The following ZC2HC1B variants were observed in gnomAD, a reference collection of about 807,000 sequenced individuals.
ZC2HC1B encodes the protein zinc finger C2HC domain-containing protein 1B.
In ZC2HC1B, 36 loss-of-function variants were observed where a neutral mutation model predicts 31.0. That is an observed-to-expected ratio of 1.16 (90% CI 0.89 to 1.54). ZC2HC1B has a LOEUF of 1.54. ZC2HC1B is among the 40% of genes most tolerant of loss of function. The pLI is 0.00. For missense variants in ZC2HC1B, 260 were observed against 268.6 expected (o/e 0.97, Z 0.22); for synonymous variants, 73 against 88.0 (o/e 0.83, Z 0.95).
At chr6:143,875,846 G>T (rs1777401656) in intron 1 of ZC2HC1B, among the ~76,000 whole-genome samples, 2 of 150,638 alleles carry the variant, frequency 1.3e-5, no homozygotes, top group Admixed American at 6.6e-5. Context: ...CTCAGACAAA[G>T]GTGGAAAGGC....
Position 143,884,177 on chromosome 6 carries a change from A to C in ZC2HC1B, c.29-127A>C. The C allele has an allele frequency of 1.3e-6, 1 of 759,360 alleles. No homozygotes were observed. Among genetic ancestry groups the C allele is most frequent in the Non-Finnish European group, 2.0e-6 (1 of 492,912 alleles). 47.0% of individuals were successfully genotyped at this position (759,360 alleles called of 1,614,324 possible). ...TACACAGGGTCTTCCCAAAGGGAAG[A>C]AGCAGTTGGTGGGGAGGGAAAAGAG... On this transcript the variant is annotated intron_variant, in intron 1 of 7. Transcript: ENST00000237275. This position sits in a 1 kb window ranked among gnomAD's most constrained non-coding sequence, Gnocchi z 5.1.
Position 143,871,604 on chromosome 6 carries a change from C to G in ZC2HC1B, c.28+7037C>G, listed in dbSNP as rs1777337618. Among the ~76,000 whole-genome samples, 1 of 152,226 alleles carries G rather than the reference C, an allele frequency of 6.6e-6. No individual in the cohort carries two copies. The highest frequency in any genetic ancestry group is 2.4e-5 in the African/African-American group (1 of 41,470). ...CTTCCAGATCCATCTGTCTTCTGCA[C>G]AGGCCAAATGGGAGAGTTGAACAGG... On this transcript the variant is annotated intron_variant, in intron 1 of 7. Transcript: ENST00000237275. The surrounding 1 kb of genome is among the most constrained non-coding windows in gnomAD (Gnocchi z 4.1).
intron 1 of ZC2HC1B, among the ~76,000 whole-genome samples, chr6:143,874,082 T>C (rs2128493286): frequency 6.6e-6 from 1 of 152,354 alleles, no homozygotes; most frequent in Middle Eastern, 3.4e-3. Context: ...GATGCTTTCC[T>C]GCTTAGAAAT....
At position 143,905,788 on chromosome 6, in the gene ZC2HC1B, G is replaced by GT. The variant is rs927865981; in HGVS notation, c.598+2644dup. ...AAAGGGTGTTGAATTTTCTCAAATGGTTTTTTTTGCATCAATTGAGATGAT... is the reference window on the plus strand; with the variant it reads ...AAAGGGTGTTGAATTTTCTCAAATGGTTTTTTTTTGCATCAATTGAGATGAT... On this transcript the variant is annotated intron_variant, in intron 6 of 7. Coordinates refer to ENST00000237275, the MANE Select transcript of ZC2HC1B (RefSeq NM_001013623.3). The surrounding 1 kb of genome is among the most constrained non-coding windows in gnomAD (Gnocchi z 4.2). 5.9e-5 allele frequency among the ~76,000 whole-genome samples: 9 copies of GT among 151,394 alleles called. No individual in the cohort carries two copies. Among genetic ancestry groups the GT allele is most frequent in the East Asian group, 1.9e-4 (1 of 5,172 alleles).
intron 4 of ZC2HC1B, among the ~76,000 whole-genome samples, chr6:143,892,753 A>C (rs1321214509): frequency 6.6e-6 from 1 of 152,216 alleles, no homozygotes; most frequent in Admixed American, 6.5e-5. Context: ...ATCAAATTTC[A>C]ACATGAGATT....
intron 6 of ZC2HC1B, among the ~76,000 whole-genome samples, chr6:143,925,462 C>T (rs1463081523): frequency 6.6e-6 from 1 of 151,716 alleles, no homozygotes; most frequent in African/African-American, 2.4e-5. Flanking sequence ...AGGTGTGAGC[C>T]ACTGCTCCCA....
At chr6:143,935,602 A>G (rs1196398556) in intron 6 of ZC2HC1B, among the ~76,000 whole-genome samples, 1 of 137,386 alleles carries the variant, frequency 7.3e-6, no homozygotes, top group African/African-American at 2.7e-5. Context: ...TGCTATTAAT[A>G]TATTCAGATT....
rs1777295068 is a variant in ZC2HC1B at position 143,868,418 on chromosome 6, C to T, written c.28+3851C>T. ...GTTTGAGGGCAGGAAGCATCCAGCA[C>T]AGGAGAAAGATGTAGGCTGGGAGGC... On this transcript the variant is annotated intron_variant, in intron 1 of 7. Coordinates refer to ENST00000237275, the MANE Select transcript of ZC2HC1B (RefSeq NM_001013623.3). This position sits in a 1 kb window ranked among gnomAD's most constrained non-coding sequence, Gnocchi z 4.2. Among the ~76,000 whole-genome samples the T allele has an allele frequency of 6.6e-6, 1 of 152,134 alleles. No individual in the cohort carries two copies. Among genetic ancestry groups the T allele is most frequent in the South Asian group, 2.1e-4 (1 of 4,830 alleles).
intron 6 of ZC2HC1B, among the ~76,000 whole-genome samples, chr6:143,926,421 T>C (rs540228194): frequency 2.3e-4 from 34 of 149,626 alleles, no homozygotes; most frequent in Admixed American, 1.5e-3. Context: ...TTGTATAGTT[T>C]CCAAAGTTCC....
At chr6:143,882,332 T>TATATATATATA (rs1554237224) in intron 1 of ZC2HC1B, among the ~76,000 whole-genome samples, 9 of 67,380 alleles carry the variant, frequency 1.3e-4, no homozygotes, top group South Asian at 5.7e-4. Context: ...ATTTTATATT[T>TATATATATATA]TTTATATATA....
intron 4 of ZC2HC1B, among the ~76,000 whole-genome samples, chr6:143,894,546 G>A (rs1297037160): frequency 6.6e-6 from 1 of 152,096 alleles, no homozygotes; most frequent in African/African-American, 2.4e-5. Context: ...AAAATCATCT[G>A]AAAAATATGT....
chr6:143,874,546 G>C (rs1777384294), intron 1 of ZC2HC1B, among the ~76,000 whole-genome samples: 1 of 152,206 alleles, frequency 6.6e-6, no homozygotes, highest in South Asian at 2.1e-4. Context: ...AGTACCACAT[G>C]GCTGGGGAGG....
intron 6 of ZC2HC1B, among the ~76,000 whole-genome samples, chr6:143,916,104 G>A (rs888480816): frequency 1.3e-5 from 2 of 152,196 alleles, no homozygotes; most frequent in Non-Finnish European, 2.9e-5. Context: ...GCCAAGCCCA[G>A]CATCCATCTG....
rs944075286 is a variant in ZC2HC1B at position 143,886,386 on chromosome 6, A to G, written c.210+235A>G. Among the ~76,000 whole-genome samples, 6 of 152,196 alleles carry G rather than the reference A, an allele frequency of 3.9e-5. No homozygotes were observed. The highest frequency in any genetic ancestry group is 1.4e-4 in the African/African-American group (6 of 41,458). The stretch of plus-strand genomic sequence containing the variant: ...TATGTTTTCATTAGAGTGGCTTTAA[A>G]TCTAGCAATTAACCTGAGAAGAAAG... On this transcript the variant is annotated intron_variant, in intron 3 of 7. Transcript: ENST00000237275. This position sits in a 1 kb window ranked among gnomAD's most constrained non-coding sequence, Gnocchi z 4.2.
chr6:143,911,004 C>T lies in ZC2HC1B; in HGVS notation c.598+7852C>T, dbSNP rs561529264. Reference sequence around the variant, plus strand: ...CTAATCTCAGGTTATTCACCTGCCTCGGCCTCCCAAAGTGCTAGGATTACA... The same window carrying T: ...CTAATCTCAGGTTATTCACCTGCCTTGGCCTCCCAAAGTGCTAGGATTACA... On this transcript the variant is annotated intron_variant, in intron 6 of 7. Transcript: ENST00000237275. This position sits in a 1 kb window ranked among gnomAD's most constrained non-coding sequence, Gnocchi z 4.5. Among the ~76,000 whole-genome samples, 11 of 152,264 alleles carry T rather than the reference C, an allele frequency of 7.2e-5. No homozygotes were observed. Among genetic ancestry groups the T allele is most frequent in the Middle Eastern group, 3.4e-3 (1 of 294 alleles).
rs886447900 is a variant in ZC2HC1B, at chr6:143,903,767, C to T, written c.598+615C>T. Among the ~76,000 whole-genome samples, 1 of 152,188 alleles carries T rather than the reference C, an allele frequency of 6.6e-6. No individual in the cohort carries two copies. Among genetic ancestry groups the T allele is most frequent in the Non-Finnish European group, 1.5e-5 (1 of 68,036 alleles). On this transcript the variant is annotated intron_variant, in intron 6 of 7. Coordinates refer to ENST00000237275, the MANE Select transcript of ZC2HC1B (RefSeq NM_001013623.3). The surrounding 1 kb of genome is among the most constrained non-coding windows in gnomAD (Gnocchi z 4.3). ...GCGTAGAATTTGTATATAACCTAGG[C>T]ACATCCTCCTGTATACACTAAATCA...
intron 1 of ZC2HC1B, among the ~76,000 whole-genome samples, chr6:143,874,604 G>T (rs891049923): frequency 3.0e-4 from 45 of 152,146 alleles, no homozygotes; most frequent in African/African-American, 9.9e-4. Flanking sequence ...CATGGTGGCA[G>T]CAAGAGAAAA....
intron 4 of ZC2HC1B, among the ~76,000 whole-genome samples, chr6:143,897,805 A>G (rs191505124): frequency 1.1e-3 from 173 of 152,052 alleles, no homozygotes; most frequent in African/African-American, 4.0e-3. Context: ...GAAACATCCC[A>G]TCTCCCTCTG....
intron 6 of ZC2HC1B, among the ~76,000 whole-genome samples, chr6:143,926,132 T>C (rs1228838513): frequency 6.6e-6 from 1 of 152,228 alleles, no homozygotes; most frequent in Non-Finnish European, 1.5e-5. Flanking sequence ...AGTTCTGCTC[T>C]GATCTTTATT....
Sources: allele counts gnomAD v4.1 joint callset (sites outside exome capture counted in the v4.1 genomes callset), GRCh38; gene constraint gnomAD v4.1.1; non-coding constraint Gnocchi (gnomAD v3.1); transcripts MANE v1.5; gene names NCBI Gene and HGNC (gene_info 2026-07-23, HGNC 2026-07-21).